CEP76: variants seen among roughly 807,000 people sequenced by gnomAD.
CEP76 encodes centrosomal protein of 76 kDa.
A neutral mutation model predicts 83.3 loss-of-function variants in CEP76; 55 were observed. That is an observed-to-expected ratio of 0.66 (90% CI 0.53 to 0.83). The LOEUF (loss-of-function observed/expected upper bound fraction) is 0.83. CEP76 is among the 40% of genes least tolerant of loss of function. CEP76 has a pLI of 0.00. For missense variants in CEP76, 694 were observed against 799.5 expected (o/e 0.87, Z 1.59); for synonymous variants, 270 against 274.5 (o/e 0.98, Z 0.16).
At chr18:12,671,250 G>A (rs1007246324), downstream of CEP76, 3 of 152,042 alleles carry the variant, frequency 2.0e-5, no homozygotes, top group African/African-American at 7.2e-5. Flanking sequence ...GGCCCAAAAA[G>A]TAAATTTTAA....
At chr18:12,680,946 C>T in intron 8 of CEP76, 118 bp from the exon 9 acceptor site, 1 of 946,572 alleles carries the variant, frequency 1.1e-6, no homozygotes, top group Non-Finnish European at 1.5e-6. Flanking sequence ...CGCCTGTAAT[C>T]CCAACACTTT....
At chr18:12,695,885 C>CACACACAA (rs557125479) in intron 5 of CEP76, among the ~76,000 whole-genome samples, 7 of 149,746 alleles carry the variant, frequency 4.7e-5, no homozygotes, top group African/African-American at 1.5e-4. Context: ...CACACACACA[C>CACACACAA]TAAAAATTAG....
chr18:12,698,669 G>A lies in CEP76; in HGVS notation c.520+310C>T. On this transcript the variant is annotated intron_variant, in intron 4 of 11. Coordinates refer to ENST00000262127, the MANE Select transcript of CEP76 (RefSeq NM_024899.4). Reference sequence around the variant, plus strand: ...ATATTTTATAAATGAGAAGGACCATGTCTCATTTTCCACTATATCATCCCA... The same window carrying A: ...ATATTTTATAAATGAGAAGGACCATATCTCATTTTCCACTATATCATCCCA... 2 of 241,780 alleles carry A rather than the reference G, an allele frequency of 8.3e-6. 1 individual carries two copies. Among genetic ancestry groups the A allele is most frequent in the Non-Finnish European group, 1.6e-5 (2 of 125,926 alleles). 15.0% of individuals were successfully genotyped at this position (241,780 alleles called of 1,614,324 possible). A position where few individuals can be genotyped will look rare whatever the true frequency, so the allele number is the denominator to read the frequency against.
chr18:12,674,602 G>C lies in CEP76; in HGVS notation c.1775C>G (p.Thr592Arg). The C allele has an allele frequency of 2.5e-6, 4 of 1,614,030 alleles. No homozygotes were observed. The highest frequency in any genetic ancestry group is 3.4e-6 in the Non-Finnish European group (4 of 1,179,970). ...AAAATGTATTGGGAACCCTTTAAAT[G>C]TGTGACCATCAGGTACAGCCCTTCT... ...AIRRAVPDGH[T>R]FKGFPIHFVY... Residue 592 changes from threonine (T) to arginine (R), a missense_variant, in exon 11 of 12, where the codon ACA becomes AGA. Thr to Arg is a moderately conservative substitution (Grantham distance 71). Coordinates refer to ENST00000262127, the MANE Select transcript of CEP76 (RefSeq NM_024899.4).
At chr18:12,694,146 G>A (rs907524640) in intron 6 of CEP76, among the ~76,000 whole-genome samples, 1 of 152,192 alleles carries the variant, frequency 6.6e-6, no homozygotes, top group Non-Finnish European at 1.5e-5. Context: ...TCACTATGTG[G>A]TTTCAGGTAT....
chr18:12,670,093 GC>G (rs1340741632), downstream of CEP76, among the ~76,000 whole-genome samples: 1 of 152,202 alleles, frequency 6.6e-6, no homozygotes, highest in Non-Finnish European at 1.5e-5. Flanking sequence ...ACTTGGGGAG[GC>G]CAAGGCAGGT....
intron 12 of CEP76, among the ~76,000 whole-genome samples, chr18:12,664,098 G>GT (rs2038755263): frequency 6.6e-6 from 1 of 151,982 alleles, no homozygotes; most frequent in South Asian, 2.1e-4. Context: ...CGGAGGGGCG[G>GT]TGGTTGCGGT....
chr18:12,673,739 C>G (rs940439145), intron 11 of CEP76, among the ~76,000 whole-genome samples: 7 of 151,870 alleles, frequency 4.6e-5, no homozygotes, highest in African/African-American at 1.7e-4. Context: ...AAATTAGCCG[C>G]GTGTGGTGGC....
Position 12,673,226 on chromosome 18 carries a change from G to C in CEP76, c.*139C>G, listed in dbSNP as rs2038991611. ...GCATGATTTTTTTTAAACATTACCA[G>C]TCAAGTATATACAAAATTGAAGTAT... On this transcript the variant is annotated 3_prime_UTR_variant, in exon 12 of 12. Coordinates refer to ENST00000262127, the MANE Select transcript of CEP76 (RefSeq NM_024899.4). 7.1e-7 allele frequency: 1 copy of C among 1,402,158 alleles called. No individual in the cohort carries two copies. Among genetic ancestry groups the C allele is most frequent in the African/African-American group, 1.5e-5 (1 of 66,754 alleles). The allele number at this position is 1,402,158 out of a possible 1,614,324, so 86.9% of individuals were successfully genotyped here.
chr18:12,698,704 T>C (rs2040046055), intron 4 of CEP76: 3 of 337,272 alleles, frequency 8.9e-6, no homozygotes, highest in Non-Finnish European at 1.6e-5. Context: ...AGCACCTGCC[T>C]AGCATAACAC....
At chr18:12,676,275 ATTCC>A (rs1454986141) in intron 10 of CEP76, among the ~76,000 whole-genome samples, 1 of 134,164 alleles carries the variant, frequency 7.5e-6, no homozygotes, top group Non-Finnish European at 1.6e-5. Context: ...GTAAACAGTA[ATTCC>A]TTTTTTTTTT....
At chr18:12,697,140 A>G (rs2039984982) in intron 5 of CEP76, 83 bp downstream of exon 5, 1 of 1,040,772 alleles carries the variant, frequency 9.6e-7, no homozygotes, top group African/African-American at 1.6e-5. Flanking sequence ...CTTGGATTAT[A>G]AAAGCATTTT....
intron 7 of CEP76, 149 bp from the exon 8 acceptor site, chr18:12,686,599 GTA>G: frequency 1.8e-6 from 1 of 567,488 alleles, no homozygotes; most frequent in Non-Finnish European, 3.1e-6. Context: ...AAAGTGCTGT[GTA>G]TATAATTTCC....
chr18:12,668,080 C>T (rs929558030), downstream of CEP76, among the ~76,000 whole-genome samples: 3 of 151,788 alleles, frequency 2.0e-5, no homozygotes, highest in African/African-American at 7.3e-5. Context: ...GCCTGGCCAA[C>T]ATGGTGAGAC....
chr18:12,696,436 G>A (rs2039960758), intron 5 of CEP76, among the ~76,000 whole-genome samples: 1 of 152,162 alleles, frequency 6.6e-6, no homozygotes, highest in South Asian at 2.1e-4. Flanking sequence ...CCAGGAGGCG[G>A]GGGTTGCAGT....
chr18:12,699,792 T>C, intron 3 of CEP76, 38 bp downstream of exon 3: 1 of 1,171,548 alleles, frequency 8.5e-7, no homozygotes, highest in Non-Finnish European at 1.2e-6. Context: ...CAATATTTAC[T>C]ATTAACCACA....
chr18:12,672,762 G>A lies in CEP76; in HGVS notation c.*603C>T. On this transcript the variant is annotated 3_prime_UTR_variant, in exon 12 of 12. Coordinates refer to ENST00000262127, the MANE Select transcript of CEP76 (RefSeq NM_024899.4). ...CTAAATGATTCATGTACTTTCATAT[G>A]AGGTTATTAATATTTATGCTTTTCT... The A allele has an allele frequency of 1.0e-6, 1 of 976,370 alleles. No homozygotes were observed. Among genetic ancestry groups the A allele is most frequent in the Non-Finnish European group, 1.2e-6 (1 of 821,658 alleles). 60.5% of individuals were successfully genotyped at this position (976,370 alleles called of 1,614,324 possible). A position where few individuals can be genotyped will look rare whatever the true frequency, so the allele number is the denominator to read the frequency against.
intron 8 of CEP76, among the ~76,000 whole-genome samples, chr18:12,684,116 A>G (rs894461372): frequency 6.7e-6 from 1 of 150,148 alleles, no homozygotes; most frequent in Non-Finnish European, 1.5e-5. Flanking sequence ...CCTCCACCTC[A>G]TGGGTTCAAG....
chr18:12,663,769 G>A (rs1043924086), intron 12 of CEP76, among the ~76,000 whole-genome samples: 1 of 151,974 alleles, frequency 6.6e-6, no homozygotes, highest in African/African-American at 2.4e-5. Context: ...CTGATTGATT[G>A]TGTGTATGTG....
Sources: allele counts gnomAD v4.1 joint callset (sites outside exome capture counted in the v4.1 genomes callset), GRCh38; gene constraint gnomAD v4.1.1; transcripts MANE v1.5; gene names NCBI Gene and HGNC (gene_info 2026-07-23, HGNC 2026-07-21).